MAGI3: variants seen among roughly 807,000 people sequenced by gnomAD.
MAGI3 encodes membrane-associated guanylate kinase, WW and PDZ domain-containing protein 3.
In MAGI3, 43 loss-of-function variants were observed where a neutral mutation model predicts 121.8. The ratio of observed to expected loss-of-function variants is 0.35; its 90% CI spans 0.28 to 0.46. The LOEUF is 0.46. MAGI3 is among the 20% of genes least tolerant of loss of function. The pLI, the probability that MAGI3 is intolerant of heterozygous loss-of-function variation, is 1.00. For synonymous variants in MAGI3, 553 were observed against 639.3 expected (o/e 0.86, Z 2.04); for missense variants, 1,547 against 1,797.3 (o/e 0.86, Z 2.52).
rs139583907 is a variant in MAGI3 at position 113,442,859 on chromosome 1, T to G, written c.316+51510T>G. Among the ~76,000 whole-genome samples the G allele has an allele frequency of 3.1e-3, 477 of 152,198 alleles. 1 individual carries two copies. Among genetic ancestry groups the G allele is most frequent in the African/African-American group, 0.011 (452 of 41,536 alleles). On this transcript the variant is annotated intron_variant, in intron 1 of 20. Transcript: ENST00000307546. Reference sequence around the variant, plus strand: ...AGTTTTGTCTGATACAGTAGATAGTTTAGATTGTTTAATGATTTCTTCATA... The same window carrying G: ...AGTTTTGTCTGATACAGTAGATAGTGTAGATTGTTTAATGATTTCTTCATA...
At chr1:113,398,898 G>A (rs184795870) in intron 1 of MAGI3, among the ~76,000 whole-genome samples, 163 of 151,880 alleles carry the variant, frequency 1.1e-3, no homozygotes, top group Middle Eastern at 6.8e-3. Flanking sequence ...TTAGATCTCA[G>A]CAGGAAAGAA....
intron 9 of MAGI3, among the ~76,000 whole-genome samples, chr1:113,637,432 CA>C (rs1652111178): frequency 6.6e-6 from 1 of 152,156 alleles, no homozygotes; most frequent in Admixed American, 6.5e-5. Flanking sequence ...CTGGTTGTGA[CA>C]AAATCTCTCA....
intron 1 of MAGI3, among the ~76,000 whole-genome samples, chr1:113,460,457 A>G (rs559513787): frequency 1.2e-4 from 19 of 152,344 alleles, no homozygotes; most frequent in African/African-American, 4.3e-4. Context: ...AAGGGCACCC[A>G]TACAGGAAGA....
chr1:113,586,691 A>G (rs1175296702), intron 4 of MAGI3, among the ~76,000 whole-genome samples: 1 of 152,226 alleles, frequency 6.6e-6, no homozygotes, highest in African/African-American at 2.4e-5. Flanking sequence ...GCTATCCCAC[A>G]AAATTAAGTC....
Position 113,437,745 on chromosome 1 carries a change from T to C in MAGI3, c.316+46396T>C, listed in dbSNP as rs114206898. Reference sequence around the variant, plus strand: ...CTCCTTCTTTCTTCTTCCTTTCCTCTTCTTCTTCTTCATTTTTCTTTCTTC... The same window carrying C: ...CTCCTTCTTTCTTCTTCCTTTCCTCCTCTTCTTCTTCATTTTTCTTTCTTC... On this transcript the variant is annotated intron_variant, in intron 1 of 20. Transcript: ENST00000307546. Among the ~76,000 whole-genome samples, 783 of 151,248 alleles carry C rather than the reference T, an allele frequency of 5.2e-3. 3 individuals are homozygous for C. Among genetic ancestry groups the C allele is most frequent in the South Asian group, 0.02 (94 of 4,748 alleles).
At chr1:113,676,653 A>G (rs1208845604) in intron 19 of MAGI3, among the ~76,000 whole-genome samples, 2 of 152,136 alleles carry the variant, frequency 1.3e-5, no homozygotes, top group African/African-American at 4.8e-5. Context: ...GCTCAATAAA[A>G]TGTTATTGAT....
Position 113,683,522 on chromosome 1 carries a change from C to T in MAGI3, c.3954C>T (p.Gly1318=). ...LLEGKSRRIA[G]YTGSNAEQIP... ...AGGGTAAGAGTCGAAGAATAGCAGGCTATACGGGCAGTAATGCTGAGCAGA... is the reference window on the plus strand; with the variant it reads ...AGGGTAAGAGTCGAAGAATAGCAGGTTATACGGGCAGTAATGCTGAGCAGA... The change falls in exon 21 of 21, where the codon GGC becomes GGT. Residue 1318 remains glycine (G), a synonymous_variant. Transcript: ENST00000307546. 6.2e-7 allele frequency: 1 copy of T among 1,613,874 alleles called. No individual in the cohort carries two copies. The highest frequency in any genetic ancestry group is 8.5e-7 in the Non-Finnish European group (1 of 1,179,876).
In MAGI3 at chr1:113,489,171, C is replaced by G. The variant is rs185781177; in HGVS notation, c.317-60344C>G. Among the ~76,000 whole-genome samples the G allele has an allele frequency of 9.8e-3, 1,452 of 147,884 alleles. 16 individuals carry two copies. Among genetic ancestry groups the G allele is most frequent in the Non-Finnish European group, 0.012 (823 of 66,904 alleles). The stretch of plus-strand genomic sequence containing the variant: ...CCAGCGGTCTGGGAACACCTTAGGC[C>G]CCCCCCGACCCCAGCACAGTGGATT... On this transcript the variant is annotated intron_variant, in intron 1 of 20. Transcript: ENST00000307546.
chr1:113,623,556 C>T (rs1330306839), intron 9 of MAGI3, among the ~76,000 whole-genome samples: 3 of 151,166 alleles, frequency 2.0e-5, no homozygotes, highest in African/African-American at 4.9e-5. Context: ...GGCGCGATCT[C>T]GGCTCACTGC....
chr1:113,581,328 TCTTA>T lies in MAGI3; in HGVS notation c.553+671_553+674del. On this transcript the variant is annotated intron_variant, in intron 3 of 20. Transcript: ENST00000307546. Reference sequence around the variant, plus strand: ...TCTGTGATAGTAATGGTCATGTCTTTCTTACTTGATATTATCTTCAGTGCCTAAA... The same window carrying T: ...TCTGTGATAGTAATGGTCATGTCTTTCTTGATATTATCTTCAGTGCCTAAA... Among the ~76,000 whole-genome samples the T allele has an allele frequency of 2.0e-5, 3 of 152,234 alleles. 1 individual carries two copies. Among genetic ancestry groups the T allele is most frequent in the Middle Eastern group, 6.8e-3 (2 of 294 alleles).
intron 1 of MAGI3, among the ~76,000 whole-genome samples, chr1:113,494,361 G>A (rs112854185): frequency 6.6e-6 from 1 of 152,296 alleles, no homozygotes; most frequent in Non-Finnish European, 1.5e-5. Context: ...ATCGGAGGAT[G>A]AAGGGTGGGA....
At chr1:113,447,087 G>A (rs552407492) in intron 1 of MAGI3, among the ~76,000 whole-genome samples, 1 of 152,340 alleles carries the variant, frequency 6.6e-6, no homozygotes, top group Admixed American at 6.5e-5. Flanking sequence ...ATGGTTGCAT[G>A]ATGGTGTGAA....
intron 2 of MAGI3, among the ~76,000 whole-genome samples, chr1:113,559,838 T>A (rs1350379645): frequency 6.6e-6 from 1 of 152,198 alleles, no homozygotes; most frequent in African/African-American, 2.4e-5. Context: ...GCCAAAGTCC[T>A]GTGATTACAG....
At chr1:113,561,489 A>G (rs1303670321) in intron 2 of MAGI3, among the ~76,000 whole-genome samples, 1 of 152,238 alleles carries the variant, frequency 6.6e-6, no homozygotes, top group East Asian at 1.9e-4. Flanking sequence ...GTAATTCACC[A>G]CATAAATAGA....
rs1462342139 is a variant in MAGI3 at position 113,571,533 on chromosome 1, G to GT, written c.434-9004dup. Among the ~76,000 whole-genome samples the GT allele has an allele frequency of 4.6e-5, 7 of 152,128 alleles. No individual in the cohort carries two copies. The East Asian group carries it at 1.3e-3, about 29-fold the overall frequency. ...TTTTTCCTATTCATGAGCATGGAAT[G>GT]TTTTTCCATTTGTTTGTGTCCTCTC... On this transcript the variant is annotated intron_variant, in intron 2 of 20. Transcript: ENST00000307546.
chr1:113,521,809 C>T (rs968102294), intron 1 of MAGI3, among the ~76,000 whole-genome samples: 1 of 152,136 alleles, frequency 6.6e-6, no homozygotes, highest in Non-Finnish European at 1.5e-5. Flanking sequence ...TTTCCTGTTT[C>T]CCCCATGCAA....
chr1:113,663,876 G>T (rs556705476), intron 16 of MAGI3, among the ~76,000 whole-genome samples: 6 of 152,144 alleles, frequency 3.9e-5, no homozygotes, highest in South Asian at 2.1e-4. Context: ...TGTTTCAGGG[G>T]TTTGTTTTCT....
intron 2 of MAGI3, among the ~76,000 whole-genome samples, chr1:113,563,552 A>G (rs1014345902): frequency 1.3e-5 from 2 of 152,198 alleles, no homozygotes; most frequent in Non-Finnish European, 2.9e-5. Context: ...GCACACCTGC[A>G]GGAGACTTCC....
At chr1:113,558,428 G>A (rs1660086624) in intron 2 of MAGI3, among the ~76,000 whole-genome samples, 1 of 152,076 alleles carries the variant, frequency 6.6e-6, no homozygotes, top group Admixed American at 6.5e-5. Flanking sequence ...AGTATTCATA[G>A]CAGAATAAAC....
Sources: gnomAD v4.1 joint callset for allele counts (sites outside exome capture counted in the v4.1 genomes callset) on GRCh38, gnomAD v4.1.1 for gene constraint, MANE v1.5 for transcripts, NCBI Gene and HGNC (gene_info 2026-07-23, HGNC 2026-07-21) for gene names.